CPED1: variants seen among roughly 807,000 people sequenced by gnomAD.
CPED1 encodes cadherin like and PC-esterase domain containing 1.
A neutral mutation model predicts 128.2 loss-of-function variants in CPED1; 114 were observed. The observed-to-expected ratio is 0.89, with a 90% CI of 0.76 to 1.04. CPED1 has a LOEUF of 1.04. CPED1 is among the 50% of genes least tolerant of loss of function. The pLI is 0.00. For synonymous variants in CPED1, 462 were observed against 426.7 expected (o/e 1.08, Z -1.02); for missense variants, 1,211 against 1,207.1 (o/e 1.00, Z -0.05).
chr7:121,033,132 T>C (rs1190756729), intron 3 of CPED1, among the ~76,000 whole-genome samples: 4 of 152,190 alleles, frequency 2.6e-5, no homozygotes, highest in African/African-American at 9.6e-5. Context: ...ATGCATACAT[T>C]TTAACTGAGG....
intron 4 of CPED1, among the ~76,000 whole-genome samples, chr7:121,050,047 G>A (rs1294315816): frequency 1.3e-5 from 2 of 152,154 alleles, no homozygotes; most frequent in African/African-American, 4.8e-5. Flanking sequence ...GTTACACTCA[G>A]CACCACTATC....
intron 2 of CPED1, among the ~76,000 whole-genome samples, chr7:120,995,878 TTC>T (rs1461860940): frequency 6.2e-4 from 58 of 94,304 alleles, no homozygotes; most frequent in East Asian, 9.2e-4. Context: ...CTTCCTCTTC[TTC>T]TTCTTCTTCT....
intron 3 of CPED1, among the ~76,000 whole-genome samples, chr7:121,029,649 A>G (rs1021808832): frequency 1.3e-5 from 2 of 152,208 alleles, no homozygotes; most frequent in Non-Finnish European, 2.9e-5. Flanking sequence ...CAGGAGAGAT[A>G]GCATATTAAG....
At chr7:121,187,801 G>A (rs1346021401) in intron 16 of CPED1, among the ~76,000 whole-genome samples, 1 of 152,038 alleles carries the variant, frequency 6.6e-6, no homozygotes, top group East Asian at 1.9e-4. Flanking sequence ...GGCTTTTCAG[G>A]CCCTATTGCC....
chr7:120,989,817 T>C lies in CPED1; in HGVS notation c.196T>C (p.Ser66Pro). 6.2e-7 allele frequency: 1 copy of C among 1,614,106 alleles called. No individual in the cohort carries two copies. Among genetic ancestry groups the C allele is most frequent in the East Asian group, 2.2e-5 (1 of 44,866 alleles). ...TQASRCKKGF[S>P]QDKQCFLLSG... ...GGCAAGCAGATGCAAGAAAGGATTC[T>C]CTCAGGACAAACAGTGCTTCCTTCT... Residue 66 changes from serine (S) to proline (P), a missense_variant, in exon 2 of 23, where the codon TCT (serine) becomes CCT (proline). Coordinates refer to ENST00000310396, the MANE Select transcript of CPED1 (RefSeq NM_024913.5).
At chr7:121,011,737 AC>A (rs1275574477) in intron 2 of CPED1, among the ~76,000 whole-genome samples, 4 of 152,212 alleles carry the variant, frequency 2.6e-5, no homozygotes, top group African/African-American at 9.6e-5. Context: ...TAATAAGTAA[AC>A]AAATTATATT....
chr7:121,202,611 C>T (rs1797423159), intron 16 of CPED1, among the ~76,000 whole-genome samples: 1 of 152,116 alleles, frequency 6.6e-6, no homozygotes, highest in East Asian at 1.9e-4. Context: ...CTTATTATCT[C>T]AGTTGACCCT....
chr7:121,009,831 A>G (rs1034914364), intron 2 of CPED1, among the ~76,000 whole-genome samples: 1 of 152,182 alleles, frequency 6.6e-6, no homozygotes, highest in Non-Finnish European at 1.5e-5. Context: ...ACTGGAGATG[A>G]AGAGGTCATG....
At chr7:121,150,523 A>G (rs1379177095) in intron 16 of CPED1, among the ~76,000 whole-genome samples, 1 of 152,044 alleles carries the variant, frequency 6.6e-6, no homozygotes, top group Non-Finnish European at 1.5e-5. Context: ...ATACAAGTGC[A>G]TGTGTCTTTT....
intron 16 of CPED1, among the ~76,000 whole-genome samples, chr7:121,222,315 A>C (rs999778732): frequency 1.3e-5 from 2 of 152,058 alleles, no homozygotes; most frequent in Non-Finnish European, 2.9e-5. Flanking sequence ...ACTGGTCTAT[A>C]TCTCTGTTTT....
At chr7:121,079,871 A>G (rs1446807475) in intron 5 of CPED1, among the ~76,000 whole-genome samples, 1 of 152,232 alleles carries the variant, frequency 6.6e-6, no homozygotes, top group Non-Finnish European at 1.5e-5. Flanking sequence ...TCTTGTGCCA[A>G]ATGCCACTAG....
At chr7:121,027,526 A>G (rs951485186) in intron 3 of CPED1, among the ~76,000 whole-genome samples, 2 of 151,820 alleles carry the variant, frequency 1.3e-5, no homozygotes, top group South Asian at 2.1e-4. Flanking sequence ...GGACTTTTGG[A>G]AAAAAAATTA....
chr7:121,120,612 A>G (rs146902814), intron 7 of CPED1, among the ~76,000 whole-genome samples: 4 of 152,318 alleles, frequency 2.6e-5, no homozygotes, highest in Admixed American at 2.6e-4. Flanking sequence ...CAAGAACATT[A>G]CTTTGAAAAA....
At chr7:121,259,494 G>A (rs956049017) in intron 18 of CPED1, among the ~76,000 whole-genome samples, 6 of 152,002 alleles carry the variant, frequency 3.9e-5, no homozygotes, top group Admixed American at 2.0e-4. Flanking sequence ...ATATACAATT[G>A]TGTTGAATTA....
intron 16 of CPED1, among the ~76,000 whole-genome samples, chr7:121,222,970 T>C (rs986484549): frequency 3.0e-4 from 45 of 152,196 alleles, no homozygotes; most frequent in Admixed American, 2.9e-3. Context: ...CTGATTGCCC[T>C]GGCCAGAACT....
intron 18 of CPED1, among the ~76,000 whole-genome samples, chr7:121,264,062 T>C (rs1232962313): frequency 6.6e-6 from 1 of 152,006 alleles, no homozygotes; most frequent in East Asian, 1.9e-4. Context: ...CTGGAATCTT[T>C]AAAGAAGAGA....
chr7:121,232,972 AT>A (rs1285965988), intron 16 of CPED1, among the ~76,000 whole-genome samples: 1 of 152,088 alleles, frequency 6.6e-6, no homozygotes, highest in African/African-American at 2.4e-5. Context: ...AAAATGAGAA[AT>A]ATTACTCATT....
At position 121,296,588 on chromosome 7, in the gene CPED1, G is replaced by T. The variant is rs1047519042; in HGVS notation, c.*936G>T. ...TTTTTCCCACCAAGCATTTGCATAT[G>T]TCCACAAATAGTATTATGTTACTAG... On this transcript the variant is annotated 3_prime_UTR_variant, in exon 23 of 23. Coordinates refer to ENST00000310396, the MANE Select transcript of CPED1 (RefSeq NM_024913.5). 1.3e-5 allele frequency: 2 copies of T among 152,082 alleles called. No homozygotes were observed. The highest frequency in any genetic ancestry group is 4.8e-5 in the African/African-American group (2 of 41,424). The allele number at this position is 152,082 out of a possible 1,614,324, so 9.4% of individuals were successfully genotyped here.
chr7:121,080,763 AGG>A (rs1563018105), intron 5 of CPED1, among the ~76,000 whole-genome samples: 3 of 152,066 alleles, frequency 2.0e-5, no homozygotes, highest in Non-Finnish European at 4.4e-5. Context: ...ATTGAGAGGG[AGG>A]GAGAGAGTTT....
Sources: allele counts gnomAD v4.1 joint callset (sites outside exome capture counted in the v4.1 genomes callset), GRCh38; gene constraint gnomAD v4.1.1; transcripts MANE v1.5; gene names NCBI Gene and HGNC (gene_info 2026-07-23, HGNC 2026-07-21).